Variants in SRP54 observed in about 807,000 individuals in gnomAD.
SRP54 encodes the protein signal recognition particle subunit SRP54.
In SRP54, 10 loss-of-function variants were observed where a neutral mutation model predicts 64.8. That is an observed-to-expected ratio of 0.15 (90% CI 0.10 to 0.26). The LOEUF is 0.26. SRP54 is among the 10% of genes least tolerant of loss of function. SRP54 has a pLI of 1.00. For missense variants in SRP54, 325 were observed against 613.7 expected, an observed-to-expected ratio of 0.53 and a Z score of 4.97; for synonymous variants, 193 against 185.6, an observed-to-expected ratio of 1.04 and a Z score of -0.32.
intron 14 of SRP54, among the ~76,000 whole-genome samples, chr14:35,027,341 T>C (rs2044647843): frequency 6.6e-6 from 1 of 151,162 alleles, no homozygotes; most frequent in Non-Finnish European, 1.5e-5. Flanking sequence ...AACAGACTCA[T>C]ACTTTCATAT....
At chr14:34,984,295 A>G (rs903430167) in intron 1 of SRP54, among the ~76,000 whole-genome samples, 1 of 152,072 alleles carries the variant, frequency 6.6e-6, no homozygotes, top group African/African-American at 2.4e-5. Context: ...ATTTTCTCCT[A>G]TGTGCCATGG....
chr14:35,017,074 C>T (rs999996888), intron 11 of SRP54, among the ~76,000 whole-genome samples: 5 of 152,070 alleles, frequency 3.3e-5, no homozygotes, highest in Non-Finnish European at 5.9e-5. Flanking sequence ...AGGCTGATCT[C>T]GAACTCCTGG....
chr14:34,991,776 A>T (rs2043984141), intron 1 of SRP54, among the ~76,000 whole-genome samples: 1 of 151,908 alleles, frequency 6.6e-6, no homozygotes, highest in African/African-American at 2.4e-5. Context: ...AGGACTTTAC[A>T]TCTGTGTGCA....
intron 14 of SRP54, among the ~76,000 whole-genome samples, chr14:35,026,083 G>A (rs1386050413): frequency 2.7e-5 from 4 of 148,094 alleles, no homozygotes; most frequent in Non-Finnish European, 6.0e-5. Context: ...AATTGTTGAA[G>A]CAGTTCTATT....
At chr14:35,010,924 G>A (rs927644433) in intron 7 of SRP54, among the ~76,000 whole-genome samples, 5 of 151,924 alleles carry the variant, frequency 3.3e-5, no homozygotes, top group African/African-American at 9.7e-5. Flanking sequence ...TTTTTCACCC[G>A]TGTTAATTTT....
intron 4 of SRP54, chr14:35,004,698 A>G (rs1193436936): frequency 6.6e-6 from 1 of 152,214 alleles, no homozygotes; most frequent in East Asian, 1.9e-4. Context: ...TAATGGGTCC[A>G]TAGAGAGCTG....
At chr14:34,995,758 A>G (rs1320630896) in intron 1 of SRP54, among the ~76,000 whole-genome samples, 1 of 152,170 alleles carries the variant, frequency 6.6e-6, no homozygotes, top group Non-Finnish European at 1.5e-5. Context: ...GTTCCTCATC[A>G]AGGGCTTTTT....
At chr14:35,001,238 G>A (rs1192023752) in intron 4 of SRP54, among the ~76,000 whole-genome samples, 4 of 132,564 alleles carry the variant, frequency 3.0e-5, no homozygotes, top group East Asian at 5.0e-4. Flanking sequence ...TGCAACCTCC[G>A]CCTCCCGGGT....
chr14:34,987,259 A>ATATATATATATG (rs1555352662), intron 1 of SRP54, among the ~76,000 whole-genome samples: 1 of 113,446 alleles, frequency 8.8e-6, no homozygotes, highest in African/African-American at 3.0e-5. Flanking sequence ...ATATATATAT[A>ATATATATATATG]TGTGTGTGTG....
Position 35,013,427 on chromosome 14 carries a change from G to A in SRP54, c.718G>A (p.Val240Ile), listed in dbSNP as rs1433091586. Reference sequence around the variant, plus strand: ...CCAGGCTAAGGCTTTTAAAGATAAAGTAGATGTAGCCTCAGTAATAGTGAC... The same window carrying A: ...CCAGGCTAAGGCTTTTAAAGATAAAATAGATGTAGCCTCAGTAATAGTGAC... ...EAQAKAFKDK[V>I]DVASVIVTKL... The change falls in exon 9 of 16, where the codon GTA becomes ATA. Residue 240 changes from valine to isoleucine, a missense_variant. By Grantham distance (29) the Val-to-Ile change is conservative (BLOSUM62 3). This residue lies in a region of SRP54 where 146 missense variants were observed against 337.4 expected (regional missense o/e 0.43). Coordinates refer to ENST00000216774, the MANE Select transcript of SRP54 (RefSeq NM_003136.4). The A allele has an allele frequency of 1.9e-6, 3 of 1,614,226 alleles. No individual in the cohort carries two copies. Among genetic ancestry groups the A allele is most frequent in the Non-Finnish European group, 2.5e-6 (3 of 1,180,030 alleles).
intron 11 of SRP54, among the ~76,000 whole-genome samples, chr14:35,018,053 G>T (rs1031674128): frequency 6.6e-6 from 1 of 152,154 alleles, no homozygotes; most frequent in African/African-American, 2.4e-5. Context: ...ACCAGTGTGT[G>T]ATGACTGTAC....
At position 34,991,125 on chromosome 14, in the gene SRP54, TTTTTG is replaced by T. The variant is rs1314131583; in HGVS notation, c.-33-5549_-33-5545del. ...ATTTCTTTTCTTTTTTTTTTTTTTT[TTTTTG>T]TTGTTGTTGTTGTTGTTGAGATGGA... is the stretch of plus-strand genomic sequence containing the variant. On this transcript the variant is annotated intron_variant, in intron 1 of 15. Transcript: ENST00000216774. Among the ~76,000 whole-genome samples the T allele has an allele frequency of 1.8e-3, 193 of 105,724 alleles. 2 individuals carry two copies. The East Asian group carries it at 0.077, about 42-fold the overall frequency. 69.4% of individuals were successfully genotyped at this position (105,724 alleles called of 152,430 possible). A position where few individuals can be genotyped will look rare whatever the true frequency, so the allele number is the denominator to read the frequency against.
At chr14:34,990,882 T>C (rs932538742) in intron 1 of SRP54, among the ~76,000 whole-genome samples, 1 of 152,190 alleles carries the variant, frequency 6.6e-6, no homozygotes, top group African/African-American at 2.4e-5. Flanking sequence ...ATTATCTTCA[T>C]TGATTTATTT....
intron 9 of SRP54, 34 bp downstream of exon 9, chr14:35,013,528 G>T (rs778011893): frequency 1.3e-6 from 2 of 1,595,068 alleles, no homozygotes; most frequent in Non-Finnish European, 8.6e-7. Flanking sequence ...CCTCTGTCTT[G>T]GGATTATATG....
intron 5 of SRP54, 81 bp downstream of exon 5, chr14:35,007,468 T>C: frequency 1.7e-6 from 1 of 584,922 alleles, no homozygotes; most frequent in Admixed American, 3.6e-5. Flanking sequence ...TATAAAAATG[T>C]AAAGCCTGGC....
chr14:35,011,500 GT>G lies in SRP54; in HGVS notation c.486-7del. 1 of 1,446,292 alleles carries G rather than the reference GT, an allele frequency of 6.9e-7. No individual in the cohort carries two copies. Among genetic ancestry groups the G allele is most frequent in the Non-Finnish European group, 9.2e-7 (1 of 1,085,130 alleles). The allele number at this position is 1,446,292 out of a possible 1,614,324, so 89.6% of individuals were successfully genotyped here. A position where few individuals can be genotyped will look rare whatever the true frequency, so the allele number is the denominator to read the frequency against. ...TCGTTTTGTTAAATCATTTGTCCATGTTATATAGCTATACAGAAATGGATCC... is the reference window on the plus strand; with the variant it reads ...TCGTTTTGTTAAATCATTTGTCCATGTATATAGCTATACAGAAATGGATCC... On this transcript the variant is annotated splice_polypyrimidine_tract_variant and splice_region_variant and intron_variant, in intron 7 of 15. Coordinates refer to ENST00000216774, the MANE Select transcript of SRP54 (RefSeq NM_003136.4).
At chr14:35,018,445 G>A (rs117335270) in intron 11 of SRP54, among the ~76,000 whole-genome samples, 4 of 152,100 alleles carry the variant, frequency 2.6e-5, no homozygotes, top group African/African-American at 9.7e-5. Context: ...CAGGTTTCTT[G>A]TGTGTTTGTA....
Position 35,018,990 on chromosome 14 carries a change from G to A in SRP54, c.1072G>A (p.Asp358Asn), listed in dbSNP as rs2044483799. The change falls in exon 13 of 16, where the codon GAT becomes AAT. Residue 358 changes from aspartate (D) to asparagine (N), a missense_variant. Asp to Asn is a conservative substitution (Grantham distance 23). Around this residue, in one of 3 missense-constraint regions of SRP54, gnomAD observed 146 missense variants for 337.4 expected, o/e 0.43. Transcript: ENST00000216774. ...ILGMIPGFGT[D>N]FMSKGNEQES... ...GGGGATGATCCCTGGTTTTGGGACA[G>A]ATTTTATGAGCAAAGGAAATGAACA... 1 of 1,613,724 alleles carries A rather than the reference G, an allele frequency of 6.2e-7. No homozygotes were observed. Among genetic ancestry groups the A allele is most frequent in the Non-Finnish European group, 8.5e-7 (1 of 1,179,882 alleles).
intron 1 of SRP54, among the ~76,000 whole-genome samples, chr14:34,994,624 T>C (rs1417499257): frequency 6.6e-6 from 1 of 152,126 alleles, no homozygotes; most frequent in East Asian, 1.9e-4. Context: ...CAGACTTACC[T>C]CTCTCTCCAT....
Sources: gnomAD v4.1 joint callset for allele counts (sites outside exome capture counted in the v4.1 genomes callset) on GRCh38, gnomAD v4.1.1 for gene constraint, gnomAD v4.1.1 regional missense constraint, MANE v1.5 for transcripts, NCBI Gene and HGNC (gene_info 2026-07-23, HGNC 2026-07-21) for gene names.